Variants in SLC16A10 observed in about 807,000 individuals in gnomAD.
SLC16A10 encodes the protein solute carrier family 16 member 10, also known as monocarboxylate transporter 10.
In SLC16A10, 27 loss-of-function variants were observed where a neutral mutation model predicts 40.0. That is an observed-to-expected ratio of 0.67 (90% CI 0.50 to 0.93). The LOEUF (loss-of-function observed/expected upper bound fraction) is 0.93, where lower values mean the gene tolerates loss of function less well. SLC16A10 is among the 40% of genes least tolerant of loss of function. The pLI, the probability that SLC16A10 is intolerant of heterozygous loss-of-function variation, is 0.00. For synonymous variants in SLC16A10, 213 were observed against 249.8 expected, an observed-to-expected ratio of 0.85 and a Z score of 1.39; for missense variants, 529 against 658.2, an observed-to-expected ratio of 0.80 and a Z score of 2.15.
chr6:111,111,497 G>T (rs1445105304), intron 1 of SLC16A10, among the ~76,000 whole-genome samples: 1 of 152,146 alleles, frequency 6.6e-6, no homozygotes, highest in Non-Finnish European at 1.5e-5. Context: ...AAGGCGGGAG[G>T]ATTGATTGAG....
chr6:111,208,387 A>C (rs1435737299), intron 4 of SLC16A10, among the ~76,000 whole-genome samples: 1 of 152,074 alleles, frequency 6.6e-6, no homozygotes, highest in Non-Finnish European at 1.5e-5. Flanking sequence ...AGAGTTTGAG[A>C]TTAGACATGG....
At chr6:111,102,422 A>C (rs566302313) in intron 1 of SLC16A10, among the ~76,000 whole-genome samples, 1 of 152,362 alleles carries the variant, frequency 6.6e-6, no homozygotes, top group South Asian at 2.1e-4. Context: ...TTCAGTGCTT[A>C]TAAGTCTGTG....
chr6:111,202,873 T>G, intron 3 of SLC16A10, among the ~76,000 whole-genome samples: 1 of 112,134 alleles, frequency 8.9e-6, no homozygotes, highest in African/African-American at 3.6e-5. Context: ...GGTGACAGAG[T>G]GAGACTCCAT....
chr6:111,112,227 G>C (rs1199505086), intron 1 of SLC16A10, among the ~76,000 whole-genome samples: 1 of 151,974 alleles, frequency 6.6e-6, no homozygotes, highest in Non-Finnish European at 1.5e-5. Context: ...TCTAGAGATG[G>C]GGTCTCTGTG....
chr6:111,153,751 T>C (rs1389937224), intron 1 of SLC16A10, among the ~76,000 whole-genome samples: 5 of 152,232 alleles, frequency 3.3e-5, no homozygotes, highest in Admixed American at 1.3e-4. Context: ...AAACCGTATA[T>C]ATAAAGTGCT....
At chr6:111,166,196 C>A (rs2114533954) in intron 1 of SLC16A10, among the ~76,000 whole-genome samples, 1 of 152,158 alleles carries the variant, frequency 6.6e-6, no homozygotes, top group South Asian at 2.1e-4. Context: ...GATTTTTATC[C>A]TTCCTTTTAC....
At chr6:111,164,901 T>C (rs572507209) in intron 1 of SLC16A10, among the ~76,000 whole-genome samples, 2 of 152,358 alleles carry the variant, frequency 1.3e-5, no homozygotes, top group African/African-American at 4.8e-5. Context: ...AAACTTTTTA[T>C]TTTTCAAATA....
intron 3 of SLC16A10, among the ~76,000 whole-genome samples, chr6:111,193,811 A>C (rs1269847031): frequency 1.3e-5 from 2 of 152,230 alleles, no homozygotes; most frequent in African/African-American, 4.8e-5. Context: ...AAAATATCTA[A>C]TTTTAACTTA....
At chr6:111,140,430 T>A (rs1281573834) in intron 1 of SLC16A10, among the ~76,000 whole-genome samples, 3 of 151,300 alleles carry the variant, frequency 2.0e-5, no homozygotes, top group Non-Finnish European at 4.4e-5. Flanking sequence ...GCCACTGCAC[T>A]CCAGCCTGGG....
At chr6:111,188,057 C>G (rs1427957156) in intron 3 of SLC16A10, among the ~76,000 whole-genome samples, 3 of 152,148 alleles carry the variant, frequency 2.0e-5, no homozygotes, top group Non-Finnish European at 4.4e-5. Flanking sequence ...CGTTACATGT[C>G]CCCAGCCTGG....
Position 111,146,661 on chromosome 6 carries a change from C to T in SLC16A10, c.344-26034C>T, listed in dbSNP as rs184271289. ...CTGAGGCAGGAGAATGTCGTGAACC[C>T]GGCAGGCGGGGCTTGCAGTGAGCCG... is the stretch of plus-strand genomic sequence containing the variant. On this transcript the variant is annotated intron_variant, in intron 1 of 5. Coordinates refer to ENST00000368851, the MANE Select transcript of SLC16A10 (RefSeq NM_018593.5). Among the ~76,000 whole-genome samples the T allele has an allele frequency of 2.6e-3, 392 of 151,964 alleles. 2 individuals carry two copies. Among genetic ancestry groups the T allele is most frequent in the African/African-American group, 8.7e-3 (361 of 41,416 alleles).
At chr6:111,092,954 T>C (rs571384704) in intron 1 of SLC16A10, among the ~76,000 whole-genome samples, 154 of 151,472 alleles carry the variant, frequency 1.0e-3, no homozygotes, top group African/African-American at 3.6e-3. Context: ...GGCAGGAGAA[T>C]TGCTTGAACC....
intron 5 of SLC16A10, among the ~76,000 whole-genome samples, chr6:111,220,534 C>T (rs1163434540): frequency 6.6e-6 from 1 of 152,142 alleles, no homozygotes; most frequent in Non-Finnish European, 1.5e-5. Flanking sequence ...ATTCTCATAC[C>T]CTGAACTGTA....
intron 4 of SLC16A10, among the ~76,000 whole-genome samples, chr6:111,216,286 T>C (rs1363022219): frequency 1.3e-5 from 2 of 152,210 alleles, no homozygotes; most frequent in Non-Finnish European, 2.9e-5. Flanking sequence ...GGAAGTTGCA[T>C]TGGAGAAAAG....
chr6:111,145,867 A>T (rs923476077), intron 1 of SLC16A10, among the ~76,000 whole-genome samples: 5 of 152,158 alleles, frequency 3.3e-5, no homozygotes, highest in African/African-American at 1.2e-4. Flanking sequence ...CTCCTCCACA[A>T]AGTGTAAAGG....
intron 1 of SLC16A10, among the ~76,000 whole-genome samples, chr6:111,114,422 A>G (rs1214149930): frequency 1.3e-5 from 2 of 152,162 alleles, no homozygotes; most frequent in Non-Finnish European, 2.9e-5. Flanking sequence ...ATGCACTATT[A>G]TTTTCTGTAC....
Position 111,088,640 on chromosome 6 carries a change from G to C in SLC16A10, c.343+545G>C, listed in dbSNP as rs569706265. Among the ~76,000 whole-genome samples, 374 of 152,250 alleles carry C rather than the reference G, an allele frequency of 2.5e-3. 2 individuals carry two copies. The highest frequency in any genetic ancestry group is 0.01 in the Middle Eastern group (3 of 294). On this transcript the variant is annotated intron_variant, in intron 1 of 5. Transcript: ENST00000368851. ...GGCCCTGCAAGAGTCACGGTTCCGT[G>C]CGTTCCCGTCCCCCCGCCTTTTTTT...
chr6:111,147,691 C>T (rs374438050), intron 1 of SLC16A10, among the ~76,000 whole-genome samples: 2 of 152,228 alleles, frequency 1.3e-5, no homozygotes, highest in Admixed American at 1.3e-4. Context: ...CTCAAATCCT[C>T]TACACACACT....
At chr6:111,102,048 A>G (rs1362796937) in intron 1 of SLC16A10, among the ~76,000 whole-genome samples, 2 of 152,226 alleles carry the variant, frequency 1.3e-5, no homozygotes, top group Non-Finnish European at 2.9e-5. Flanking sequence ...ATGTTCTACC[A>G]TATTGGTCTA....
Sources: allele counts gnomAD v4.1 joint callset (sites outside exome capture counted in the v4.1 genomes callset), GRCh38; gene constraint gnomAD v4.1.1; transcripts MANE v1.5; gene names NCBI Gene and HGNC (gene_info 2026-07-23, HGNC 2026-07-21).